Variants in EVL observed in about 807,000 individuals in gnomAD.
The protein encoded by EVL is ena/VASP-like protein.
A neutral mutation model predicts 59.6 loss-of-function variants in EVL; 21 were observed. That is an observed-to-expected ratio of 0.35 (90% confidence interval 0.25 to 0.51). The LOEUF is 0.51. Ranked by LOEUF, EVL falls within the 20% of genes least tolerant of loss-of-function variation. EVL has a pLI of 0.97. For synonymous variants in EVL, 198 were observed against 203.5 expected (o/e 0.97, Z 0.23); for missense variants, 462 against 546.6 (o/e 0.85, Z 1.54).
intron 13 of EVL, among the ~76,000 whole-genome samples, chr14:100,143,493 G>A (rs1400644950): frequency 1.3e-5 from 2 of 152,222 alleles, no homozygotes; most frequent in Admixed American, 1.3e-4. Flanking sequence ...GGCAGTGGCA[G>A]CAGGGGCCGC....
chr14:100,011,568 C>T (rs1046787136), intron 1 of EVL, among the ~76,000 whole-genome samples: 6 of 152,062 alleles, frequency 3.9e-5, no homozygotes, highest in East Asian at 1.9e-4. Flanking sequence ...AATTAGACTT[C>T]GACATAATGA....
At position 100,108,791 on chromosome 14, in the gene EVL, C is replaced by T. The variant is rs1276794655; in HGVS notation, c.358+11133C>T. 6.6e-6 allele frequency among the ~76,000 whole-genome samples: 1 copy of T among 152,208 alleles called. No individual in the cohort carries two copies. The highest frequency in any genetic ancestry group is 1.5e-5 in the Non-Finnish European group (1 of 68,036). The stretch of plus-strand genomic sequence containing the variant: ...GTGACTTTGCACTCCCTCCTGCACT[C>T]CCACGGGGCTTTATTTTTGCCTCTG... On this transcript the variant is annotated intron_variant, in intron 3 of 13. Coordinates refer to ENST00000392920, the MANE Select transcript of EVL (RefSeq NM_016337.3). The surrounding 1 kb of genome is among the most constrained non-coding windows in gnomAD (Gnocchi z 4.1).
At chr14:100,001,344 G>A (rs900112391) in intron 1 of EVL, among the ~76,000 whole-genome samples, 1 of 152,126 alleles carries the variant, frequency 6.6e-6, no homozygotes, top group South Asian at 2.1e-4. Flanking sequence ...TTAGAATTCA[G>A]CCCAAACTAT....
chr14:100,082,572 T>C (rs1045480315), intron 1 of EVL, among the ~76,000 whole-genome samples: 6 of 152,208 alleles, frequency 3.9e-5, no homozygotes, highest in Non-Finnish European at 5.9e-5. Flanking sequence ...TGGAGAGTAG[T>C]AAGTTAAGTT....
intron 1 of EVL, among the ~76,000 whole-genome samples, chr14:99,988,736 A>G (rs953925720): frequency 6.6e-6 from 1 of 152,256 alleles, no homozygotes; most frequent in Non-Finnish European, 1.5e-5. Flanking sequence ...ATACAGTGCA[A>G]TAAAAACTAA....
intron 1 of EVL, among the ~76,000 whole-genome samples, chr14:99,999,035 T>A (rs2060930604): frequency 8.0e-6 from 1 of 124,272 alleles, no homozygotes; most frequent in Non-Finnish European, 1.7e-5. Flanking sequence ...CTTTATAATT[T>A]ATAAATTATA....
chr14:100,021,568 T>C (rs992558678), intron 1 of EVL, among the ~76,000 whole-genome samples: 3 of 152,192 alleles, frequency 2.0e-5, no homozygotes, highest in Admixed American at 2.0e-4. Context: ...GCTTTTTAGC[T>C]TAGTTCAGTG....
chr14:100,108,948 C>T lies in EVL; in HGVS notation c.358+11290C>T, dbSNP rs567467591. Among the ~76,000 whole-genome samples the T allele has an allele frequency of 6.6e-6, 1 of 152,318 alleles. No homozygotes were observed. Among genetic ancestry groups the T allele is most frequent in the South Asian group, 2.1e-4 (1 of 4,826 alleles). The stretch of plus-strand genomic sequence containing the variant: ...CCACACATCGTCTGCCTTATAAGCT[C>T]TCAGTATATCCATCCCTGGCTGCAG... On this transcript the variant is annotated intron_variant, in intron 3 of 13. Coordinates refer to ENST00000392920, the MANE Select transcript of EVL (RefSeq NM_016337.3). This position sits in a 1 kb window ranked among gnomAD's most constrained non-coding sequence, Gnocchi z 4.1.
intron 1 of EVL, among the ~76,000 whole-genome samples, chr14:99,983,155 A>G (rs772832400): frequency 2.2e-4 from 34 of 152,126 alleles, no homozygotes; most frequent in South Asian, 4.1e-4. Flanking sequence ...TGACTATATG[A>G]CTTCATATGT....
At position 100,127,378 on chromosome 14, in the gene EVL, A is replaced by G. The variant is rs1327284614; in HGVS notation, c.487+607A>G. ...CTTGTTTAATTTTCTCAAACACCCTATGAAGTGAGCAGGTGACTATTATCC... is the reference window on the plus strand; with the variant it reads ...CTTGTTTAATTTTCTCAAACACCCTGTGAAGTGAGCAGGTGACTATTATCC... On this transcript the variant is annotated intron_variant, in intron 5 of 13. Transcript: ENST00000392920. This position sits in a 1 kb window ranked among gnomAD's most constrained non-coding sequence, Gnocchi z 4.2. Among the ~76,000 whole-genome samples the G allele has an allele frequency of 6.6e-6, 1 of 152,222 alleles. No individual in the cohort carries two copies. The highest frequency in any genetic ancestry group is 1.9e-4 in the East Asian group (1 of 5,200).
upstream of EVL, chr14:100,065,366 T>C: frequency 2.0e-6 from 2 of 978,850 alleles, no homozygotes; most frequent in Non-Finnish European, 2.7e-6. Context: ...CAGCTTCCTT[T>C]TCCTGTTTGG....
At chr14:99,977,728 C>T (rs2060779942) in intron 1 of EVL, among the ~76,000 whole-genome samples, 2 of 152,220 alleles carry the variant, frequency 1.3e-5, no homozygotes, top group African/African-American at 4.8e-5. Flanking sequence ...GCCACCGTGC[C>T]TGGCCAGAAC....
chr14:100,102,362 G>A (rs1287454092), intron 3 of EVL: 1 of 456,076 alleles, frequency 2.2e-6, no homozygotes, highest in Admixed American at 2.3e-5. Context: ...ATGAATGGAG[G>A]CAGCCTAACG....
intron 7 of EVL, 40 bp from the exon 8 acceptor site, chr14:100,132,679 G>C (rs753978860): frequency 9.3e-6 from 15 of 1,607,810 alleles, no homozygotes; most frequent in East Asian, 2.2e-5. Context: ...GTGAGAGAAC[G>C]TGAGGAGCTG....
At chr14:100,079,287 A>C (rs2062238015) in intron 1 of EVL, among the ~76,000 whole-genome samples, 1 of 152,234 alleles carries the variant, frequency 6.6e-6, no homozygotes, top group South Asian at 2.1e-4. Context: ...TTTTTCTGAG[A>C]ATAAATGGAG....
intron 3 of EVL, among the ~76,000 whole-genome samples, chr14:100,115,831 G>C (rs1332632286): frequency 2.6e-5 from 4 of 152,242 alleles, no homozygotes; most frequent in African/African-American, 4.8e-5. Context: ...GTGTTAGAAT[G>C]GGGAGGGTGA....
chr14:100,000,937 T>A (rs1170877269), intron 1 of EVL, among the ~76,000 whole-genome samples: 1 of 152,202 alleles, frequency 6.6e-6, no homozygotes, highest in African/African-American at 2.4e-5. Flanking sequence ...GGATGGTTTA[T>A]TCCTAGACAG....
intron 11 of EVL, 74 bp from the exon 12 acceptor site, chr14:100,141,106 C>A: frequency 6.8e-7 from 1 of 1,480,614 alleles, no homozygotes; most frequent in Non-Finnish European, 9.3e-7. Flanking sequence ...CCAGCCTGAG[C>A]GGGGCCTCTG....
upstream of EVL, among the ~76,000 whole-genome samples, chr14:100,061,628 G>C (rs375416038): frequency 6.6e-6 from 1 of 151,802 alleles, no homozygotes; most frequent in African/African-American, 2.4e-5. Flanking sequence ...CTGGCCCCTC[G>C]AACAGTTGAA....
Sources: allele counts gnomAD v4.1 joint callset (sites outside exome capture counted in the v4.1 genomes callset), GRCh38; gene constraint gnomAD v4.1.1; non-coding constraint Gnocchi (gnomAD v3.1); transcripts MANE v1.5; gene names NCBI Gene and HGNC (gene_info 2026-07-23, HGNC 2026-07-21).